The following DTNA variants were observed in gnomAD, a reference collection of about 807,000 sequenced individuals.
The protein encoded by DTNA is dystrobrevin alpha, also known as dystrophin-related protein 3.
Under a neutral mutation model 100.7 loss-of-function variants are expected in DTNA, and 43 were observed. The ratio of observed to expected loss-of-function variants is 0.43; its 90% CI spans 0.33 to 0.55. The LOEUF is 0.55. Ranked by LOEUF, DTNA falls within the 20% of genes least tolerant of loss-of-function variation. The pLI is 0.04. For missense variants in DTNA, 798 were observed against 953.9 expected, an observed-to-expected ratio of 0.84 and a Z score of 2.15; for synonymous variants, 349 against 347.9, an observed-to-expected ratio of 1.00 and a Z score of -0.04.
upstream of DTNA, among the ~76,000 whole-genome samples, chr18:34,708,408 T>C (rs1350357716): frequency 6.6e-6 from 1 of 152,274 alleles, no homozygotes; most frequent in Non-Finnish European, 1.5e-5. Flanking sequence ...AAATAACATA[T>C]AGACCATTTT....
chr18:34,678,961 A>G (rs1037014190), intron 1 of DTNA, among the ~76,000 whole-genome samples: 3 of 152,194 alleles, frequency 2.0e-5, no homozygotes, highest in African/African-American at 7.2e-5. Flanking sequence ...CCACTCTTAC[A>G]GGGTATCTAC....
chr18:34,558,742 A>G (rs1218950918), intron 1 of DTNA, among the ~76,000 whole-genome samples: 1 of 152,194 alleles, frequency 6.6e-6, no homozygotes, highest in Non-Finnish European at 1.5e-5. Context: ...ATTGAGAGCC[A>G]GCCCAAGCAG....
At chr18:34,705,632 T>G (rs558344272), upstream of DTNA, among the ~76,000 whole-genome samples, 22 of 152,328 alleles carry the variant, frequency 1.4e-4, no homozygotes, top group African/African-American at 5.1e-4. Context: ...GAGTATTGAT[T>G]CTGCCAATTC....
At chr18:34,732,562 G>A (rs576973106) in intron 1 of DTNA, among the ~76,000 whole-genome samples, 1 of 152,294 alleles carries the variant, frequency 6.6e-6, no homozygotes, top group South Asian at 2.1e-4. Context: ...GCACCTCCCT[G>A]CTTACGTTTT....
chr18:34,729,586 T>G (rs1433143883), intron 1 of DTNA, among the ~76,000 whole-genome samples: 1 of 152,200 alleles, frequency 6.6e-6, no homozygotes, highest in African/African-American at 2.4e-5. Context: ...AAATCAGATG[T>G]AGGATTCAAA....
intron 1 of DTNA, among the ~76,000 whole-genome samples, chr18:34,718,201 G>A (rs998832890): frequency 6.6e-6 from 1 of 152,116 alleles, no homozygotes; most frequent in Admixed American, 6.5e-5. Context: ...CATCCTCTTG[G>A]AAGTAGGCGC....
chr18:34,788,699 C>T (rs1305960982), intron 3 of DTNA, among the ~76,000 whole-genome samples: 1 of 152,220 alleles, frequency 6.6e-6, no homozygotes, highest in Non-Finnish European at 1.5e-5. Flanking sequence ...ACTCCACTAA[C>T]TCAAAATTTA....
intron 15 of DTNA, among the ~76,000 whole-genome samples, chr18:34,854,156 A>C (rs2096525192): frequency 6.6e-6 from 1 of 152,194 alleles, no homozygotes; most frequent in Admixed American, 6.5e-5. Flanking sequence ...GAGTAGGAGA[A>C]TGGAGGGGCC....
At position 34,875,307 on chromosome 18, in the gene DTNA, CCGGTCA is replaced by C; in HGVS notation, c.1813_1818del (p.Arg605_Ser606del). On this transcript the variant is annotated inframe_deletion, in exon 18 of 23. Transcript: ENST00000444659. ...TCAGCAGGCCAATTCCCATGCCCAT[CCGGTCA>C]GCGTCAGCCTGCTCCACCCCGACGC... is the stretch of plus-strand genomic sequence containing the variant. 5 of 1,614,236 alleles carry C rather than the reference CCGGTCA, an allele frequency of 3.1e-6. No individual in the cohort carries two copies. The highest frequency in any genetic ancestry group is 4.2e-6 in the Non-Finnish European group (5 of 1,180,044).
chr18:34,769,018 T>C (rs1298466727), intron 3 of DTNA, among the ~76,000 whole-genome samples: 2 of 152,178 alleles, frequency 1.3e-5, no homozygotes, highest in Non-Finnish European at 2.9e-5. Context: ...TATTTTATAA[T>C]GTACCTTATA....
In DTNA at chr18:34,850,692, G is replaced by C. The variant is rs560781716; in HGVS notation, c.1435-1139G>C. ...TTTGTTTTTAAAACAATAAAAATTG[G>C]TGTGGAGGAATTTCTAAAATGTACT... On this transcript the variant is annotated intron_variant, in intron 14 of 22. Transcript: ENST00000444659. Among the ~76,000 whole-genome samples, 6 of 152,240 alleles carry C rather than the reference G, an allele frequency of 3.9e-5. No homozygotes were observed. In the East Asian group the frequency reaches 1.2e-3, roughly 29 times the overall value.
At chr18:34,869,153 TA>T (rs1185953892) in intron 17 of DTNA, among the ~76,000 whole-genome samples, 5 of 152,228 alleles carry the variant, frequency 3.3e-5, no homozygotes, top group Admixed American at 3.3e-4. Context: ...AATCCATGGC[TA>T]ATAGGATTAT....
chr18:34,828,264 C>A (rs747769425), intron 10 of DTNA, among the ~76,000 whole-genome samples: 2 of 152,096 alleles, frequency 1.3e-5, no homozygotes, highest in African/African-American at 2.4e-5. Flanking sequence ...ACAGGAGAAG[C>A]AAATATTTCT....
chr18:34,609,311 C>A (rs1374981587), intron 1 of DTNA, among the ~76,000 whole-genome samples: 2 of 146,730 alleles, frequency 1.4e-5, no homozygotes, highest in Non-Finnish European at 3.0e-5. Flanking sequence ...GTGGCGCAAT[C>A]TCGGCTCACT....
intron 1 of DTNA, among the ~76,000 whole-genome samples, chr18:34,688,796 T>C (rs968120470): frequency 3.3e-5 from 5 of 152,196 alleles, no homozygotes; most frequent in African/African-American, 1.2e-4. Context: ...ACGTAGATTT[T>C]GTCTTTTCAC....
intron 13 of DTNA, among the ~76,000 whole-genome samples, chr18:34,841,505 T>C (rs1365060179): frequency 6.6e-5 from 10 of 152,184 alleles, no homozygotes; most frequent in African/African-American, 2.4e-4. Context: ...TTGTCTTCAG[T>C]CTCTTTTATC....
intron 1 of DTNA, among the ~76,000 whole-genome samples, chr18:34,580,425 A>G (rs992885174): frequency 6.6e-6 from 1 of 152,010 alleles, no homozygotes; most frequent in Non-Finnish European, 1.5e-5. Flanking sequence ...AATAATATTT[A>G]CTCCCATAAA....
chr18:34,683,150 C>T (rs2078363380), intron 1 of DTNA, among the ~76,000 whole-genome samples: 1 of 152,128 alleles, frequency 6.6e-6, no homozygotes, highest in Non-Finnish European at 1.5e-5. Flanking sequence ...TTTTCACCTG[C>T]AGTTGAGAGA....
intron 1 of DTNA, among the ~76,000 whole-genome samples, chr18:34,702,922 G>A (rs1162342589): frequency 6.6e-6 from 1 of 152,182 alleles, no homozygotes; most frequent in Non-Finnish European, 1.5e-5. Flanking sequence ...ATAGGAAATG[G>A]TAACTATAAA....
Sources: gnomAD v4.1 joint callset for allele counts (sites outside exome capture counted in the v4.1 genomes callset) on GRCh38, gnomAD v4.1.1 for gene constraint, MANE v1.5 for transcripts, NCBI Gene and HGNC (gene_info 2026-07-23, HGNC 2026-07-21) for gene names.